MEF2A: variants seen among roughly 807,000 people sequenced by gnomAD.
The protein encoded by MEF2A is myocyte enhancer factor 2A.
A neutral mutation model predicts 55.8 loss-of-function variants in MEF2A; 28 were observed. The ratio of observed to expected loss-of-function variants is 0.50; its 90% CI spans 0.37 to 0.69. MEF2A has a LOEUF of 0.69. Among genes scored for constraint, MEF2A ranks in the 30% least tolerant of loss-of-function variants. The probability of loss-of-function intolerance (pLI) is 0.00; values close to 1 mark genes in which losing one functional copy is unlikely to be tolerated. For synonymous variants in MEF2A, 239 were observed against 227.1 expected (o/e 1.05, Z -0.47); for missense variants, 528 against 626.2 (o/e 0.84, Z 1.67).
At chr15:99,585,843 G>T (rs1967042852) in intron 1 of MEF2A, among the ~76,000 whole-genome samples, 1 of 152,050 alleles carries the variant, frequency 6.6e-6, no homozygotes. Context: ...TAGCTTTCCA[G>T]TGTTGAGGAG....
chr15:99,614,765 G>C (rs1410251180), intron 2 of MEF2A, among the ~76,000 whole-genome samples: 1 of 152,136 alleles, frequency 6.6e-6, no homozygotes, highest in Non-Finnish European at 1.5e-5. Flanking sequence ...AGAAGGGCTT[G>C]GGATAAGAGC....
chr15:99,601,590 T>G (rs1482763562), intron 2 of MEF2A, among the ~76,000 whole-genome samples: 3 of 150,800 alleles, frequency 2.0e-5, no homozygotes, highest in Admixed American at 6.6e-5. Context: ...ATTAATATGG[T>G]CACCTACCTC....
chr15:99,682,488 A>T (rs763434445), intron 7 of MEF2A, among the ~76,000 whole-genome samples: 1 of 152,224 alleles, frequency 6.6e-6, no homozygotes, highest in Non-Finnish European at 1.5e-5. Flanking sequence ...TCAAAAGTCT[A>T]TCTGAAAAAT....
intron 1 of MEF2A, chr15:99,566,728 G>T (rs1237785570): frequency 6.6e-6 from 1 of 152,348 alleles, no homozygotes; most frequent in African/African-American, 2.4e-5. Context: ...CTTCTGCTTT[G>T]GGAGAAGATT....
intron 3 of MEF2A, among the ~76,000 whole-genome samples, chr15:99,635,481 A>T (rs1596647231): frequency 6.6e-6 from 1 of 152,192 alleles, no homozygotes; most frequent in African/African-American, 2.4e-5. Context: ...TATAAGATTA[A>T]GAAAAATTCA....
At chr15:99,664,841 A>T (rs892685626) in intron 4 of MEF2A, among the ~76,000 whole-genome samples, 1 of 152,236 alleles carries the variant, frequency 6.6e-6, no homozygotes, top group Admixed American at 6.5e-5. Flanking sequence ...CAAGTTGCAG[A>T]TTAGATTTGG....
chr15:99,581,242 C>G (rs1382367063), intron 1 of MEF2A, among the ~76,000 whole-genome samples: 1 of 151,950 alleles, frequency 6.6e-6, no homozygotes, highest in Non-Finnish European at 1.5e-5. Flanking sequence ...AAATATCAAC[C>G]AGAATTAAAG....
intron 2 of MEF2A, among the ~76,000 whole-genome samples, chr15:99,600,583 A>G (rs1333062625): frequency 6.6e-6 from 1 of 152,122 alleles, no homozygotes; most frequent in African/African-American, 2.4e-5. Context: ...ATTTTTGTAT[A>G]TGGTGTGAGG....
chr15:99,568,994 T>G (rs1035736527), intron 1 of MEF2A, among the ~76,000 whole-genome samples: 3 of 152,208 alleles, frequency 2.0e-5, no homozygotes, highest in Non-Finnish European at 2.9e-5. Context: ...GTGCCTTCTC[T>G]CCTAATGTTT....
At chr15:99,676,723 C>G in intron 7 of MEF2A, among the ~76,000 whole-genome samples, 1 of 152,052 alleles carries the variant, frequency 6.6e-6, no homozygotes, top group Admixed American at 6.6e-5. Flanking sequence ...GTGCCCGCCA[C>G]CACGCCGGGC....
intron 3 of MEF2A, among the ~76,000 whole-genome samples, chr15:99,640,400 A>G (rs898635877): frequency 6.6e-6 from 1 of 152,168 alleles, no homozygotes; most frequent in African/African-American, 2.4e-5. Flanking sequence ...CATATTGACC[A>G]TCTTTATCCT....
intron 10 of MEF2A, among the ~76,000 whole-genome samples, chr15:99,710,380 C>A (rs577787956): frequency 6.6e-6 from 1 of 152,116 alleles, no homozygotes; most frequent in Non-Finnish European, 1.5e-5. Flanking sequence ...GTAGCTGGGA[C>A]TACAGGCATG....
At chr15:99,711,020 T>A in intron 11 of MEF2A, among the ~76,000 whole-genome samples, 1 of 152,154 alleles carries the variant, frequency 6.6e-6, no homozygotes, top group East Asian at 1.9e-4. Context: ...GTAGAGAGAC[T>A]CAACCAGGAT....
At chr15:99,663,219 T>C (rs957959996) in intron 4 of MEF2A, among the ~76,000 whole-genome samples, 2 of 152,182 alleles carry the variant, frequency 1.3e-5, no homozygotes, top group African/African-American at 2.4e-5. Context: ...CCTTGGGATA[T>C]TTATAAGTTC....
chr15:99,700,117 C>G (rs1176952391), intron 8 of MEF2A, among the ~76,000 whole-genome samples: 1 of 137,496 alleles, frequency 7.3e-6, no homozygotes, highest in Non-Finnish European at 1.6e-5. Context: ...CTCAGCCTCC[C>G]GAAGTGCTGG....
At chr15:99,687,838 G>A (rs186600448) in intron 7 of MEF2A, among the ~76,000 whole-genome samples, 14 of 152,246 alleles carry the variant, frequency 9.2e-5, no homozygotes, top group Admixed American at 6.5e-4. Context: ...GCTTTTTATG[G>A]TTTCTCTACA....
chr15:99,681,566 A>G (rs2053250984), intron 7 of MEF2A, among the ~76,000 whole-genome samples: 2 of 152,206 alleles, frequency 1.3e-5, no homozygotes, highest in African/African-American at 2.4e-5. Flanking sequence ...TCTGAAAGAG[A>G]AGAAGATATG....
At chr15:99,581,635 C>T (rs999482118) in intron 1 of MEF2A, among the ~76,000 whole-genome samples, 1 of 152,116 alleles carries the variant, frequency 6.6e-6, no homozygotes, top group Non-Finnish European at 1.5e-5. Flanking sequence ...CTGTTTCTCA[C>T]TGTTTTAGTG....
chr15:99,613,439 C>CT (rs1164902180), intron 2 of MEF2A, among the ~76,000 whole-genome samples: 1 of 152,224 alleles, frequency 6.6e-6, no homozygotes, highest in Non-Finnish European at 1.5e-5. Flanking sequence ...ACAATACACA[C>CT]TTTAACAGTC....
Sources: allele counts gnomAD v4.1 joint callset (sites outside exome capture counted in the v4.1 genomes callset), GRCh38; gene constraint gnomAD v4.1.1; transcripts MANE v1.5; gene names NCBI Gene and HGNC (gene_info 2026-07-23, HGNC 2026-07-21).